Variants in MACROD2 observed in about 807,000 individuals in gnomAD.
MACROD2 encodes the protein mono-ADP ribosylhydrolase 2.
In MACROD2, 36 loss-of-function variants were observed where a neutral mutation model predicts 70.4. The observed-to-expected ratio is 0.51, with a 90% CI of 0.39 to 0.68. The LOEUF (loss-of-function observed/expected upper bound fraction) is 0.68. Ranked by LOEUF, MACROD2 falls within the 30% of genes least tolerant of loss-of-function variation. The pLI is 0.00. For synonymous variants in MACROD2, 172 were observed against 178.8 expected, an observed-to-expected ratio of 0.96 and a Z score of 0.30; for missense variants, 496 against 538.4, an observed-to-expected ratio of 0.92 and a Z score of 0.78.
chr20:14,233,447 C>T (rs187469106), intron 3 of MACROD2, among the ~76,000 whole-genome samples: 12 of 152,004 alleles, frequency 7.9e-5, no homozygotes, highest in East Asian at 5.8e-4. Context: ...AATCCCAGCA[C>T]TTTGGGAGGC....
At chr20:16,003,488 G>A (rs1349895112) in intron 15 of MACROD2, among the ~76,000 whole-genome samples, 1 of 152,164 alleles carries the variant, frequency 6.6e-6, no homozygotes, top group African/African-American at 2.4e-5. Context: ...CTGGCAACAG[G>A]CTGCGTAACA....
intron 6 of MACROD2, among the ~76,000 whole-genome samples, chr20:15,299,764 TAGCAGGACCC>T (rs1299500550): frequency 6.6e-6 from 1 of 152,178 alleles, no homozygotes; most frequent in Non-Finnish European, 1.5e-5. Flanking sequence ...AAAGCAAAAG[TAGCAGGACCC>T]AGTTTGAGAT....
At chr20:14,164,133 G>T (rs1317225339) in intron 3 of MACROD2, among the ~76,000 whole-genome samples, 2 of 151,958 alleles carry the variant, frequency 1.3e-5, no homozygotes, top group Non-Finnish European at 2.9e-5. Flanking sequence ...ATGTATCATG[G>T]TATTGGTTGG....
intron 6 of MACROD2, among the ~76,000 whole-genome samples, chr20:15,422,220 A>G (rs1389111434): frequency 6.6e-6 from 1 of 152,154 alleles, no homozygotes; most frequent in East Asian, 1.9e-4. Flanking sequence ...AGAGGACATG[A>G]CACTATTTAG....
At chr20:14,751,329 C>A (rs1302069342) in intron 5 of MACROD2, among the ~76,000 whole-genome samples, 2 of 148,526 alleles carry the variant, frequency 1.3e-5, no homozygotes, top group Non-Finnish European at 3.0e-5. Flanking sequence ...TTTTTTTGAT[C>A]TTTCTAACTG....
intron 6 of MACROD2, among the ~76,000 whole-genome samples, chr20:15,420,417 A>G (rs990147611): frequency 1.1e-4 from 17 of 152,226 alleles, no homozygotes; most frequent in Non-Finnish European, 2.4e-4. Flanking sequence ...GAGTTCGCAC[A>G]CCACACTCCA....
At chr20:14,351,257 A>G (rs1307988485) in intron 3 of MACROD2, among the ~76,000 whole-genome samples, 1 of 151,812 alleles carries the variant, frequency 6.6e-6, no homozygotes, top group Non-Finnish European at 1.5e-5. Flanking sequence ...GTTGTTCCAC[A>G]TAATTTTTTT....
chr20:14,173,358 CCT>C (rs1305730107), intron 3 of MACROD2, among the ~76,000 whole-genome samples: 1 of 151,942 alleles, frequency 6.6e-6, no homozygotes, highest in African/African-American at 2.4e-5. Flanking sequence ...ATTCGAAAGC[CCT>C]CTCTTTGATC....
intron 5 of MACROD2, among the ~76,000 whole-genome samples, chr20:14,836,444 A>G (rs1334397155): frequency 6.6e-6 from 1 of 152,094 alleles, no homozygotes; most frequent in Non-Finnish European, 1.5e-5. Flanking sequence ...TGCTGGTTGT[A>G]CTTCAAAAGA....
At chr20:14,212,601 G>C (rs117033673) in intron 3 of MACROD2, among the ~76,000 whole-genome samples, 252 of 152,106 alleles carry the variant, frequency 1.7e-3, no homozygotes, top group Admixed American at 4.6e-3. Flanking sequence ...GTTGGGTGGT[G>C]GAAAGAATGT....
Position 16,047,667 on chromosome 20 carries a change from G to T in MACROD2, c.1301-2163G>T, listed in dbSNP as rs188293656. On this transcript the variant is annotated intron_variant, in intron 17 of 17. Transcript: ENST00000684519. ...ATGAGAATCCCTTTCAGATGTTCTG[G>T]CCCCAGCAGGTACCACCCTCAAGCA... Among the ~76,000 whole-genome samples, 123 of 45,388 alleles carry T rather than the reference G, an allele frequency of 2.7e-3. 2 individuals are homozygous for T. The highest frequency in any genetic ancestry group is 9.6e-3 in the South Asian group (10 of 1,046). 29.8% of individuals were successfully genotyped at this position (45,388 alleles called of 152,430 possible). A position where few individuals can be genotyped will look rare whatever the true frequency, so the allele number is the denominator to read the frequency against.
chr20:14,977,073 CAG>C (rs1244386041), intron 5 of MACROD2, among the ~76,000 whole-genome samples: 1 of 152,072 alleles, frequency 6.6e-6, no homozygotes, highest in Non-Finnish European at 1.5e-5. Flanking sequence ...AATGCAAAAA[CAG>C]GGTTTGTGTC....
At chr20:14,001,792 C>T (rs1464259023) in intron 1 of MACROD2, among the ~76,000 whole-genome samples, 4 of 152,038 alleles carry the variant, frequency 2.6e-5, no homozygotes, top group Non-Finnish European at 2.9e-5. Flanking sequence ...AACAGTAGCA[C>T]GAGAGGGTTG....
intron 5 of MACROD2, among the ~76,000 whole-genome samples, chr20:15,162,061 A>AT (rs1254226577): frequency 1.3e-5 from 2 of 151,994 alleles, no homozygotes; most frequent in Admixed American, 6.6e-5. Context: ...TAAAATACAG[A>AT]TTACTATTCT....
chr20:14,935,446 A>G (rs1422834096), intron 5 of MACROD2: 1 of 152,126 alleles, frequency 6.6e-6, no homozygotes, highest in African/African-American at 2.4e-5. Context: ...AGGAATGCCT[A>G]TGTGTTTGTT....
intron 6 of MACROD2, among the ~76,000 whole-genome samples, chr20:15,312,722 A>G (rs1196621282): frequency 6.6e-6 from 1 of 152,164 alleles, no homozygotes; most frequent in East Asian, 1.9e-4. Context: ...TATCAGGAAG[A>G]TAGTTATTTG....
At chr20:14,860,096 G>T (rs1052972362) in intron 5 of MACROD2, among the ~76,000 whole-genome samples, 13 of 152,022 alleles carry the variant, frequency 8.6e-5, no homozygotes, top group Admixed American at 2.0e-4. Flanking sequence ...GTTATATAAG[G>T]TTCCTGAATA....
intron 5 of MACROD2, among the ~76,000 whole-genome samples, chr20:15,045,730 T>TG (rs1434623307): frequency 1.4e-5 from 2 of 145,286 alleles, no homozygotes; most frequent in Non-Finnish European, 3.0e-5. Context: ...TTTTTTTTTT[T>TG]TTTTTTTTTT....
In MACROD2 at chr20:15,772,810, A is replaced by T. The variant is rs545908954; in HGVS notation, c.646-89935A>T. On this transcript the variant is annotated intron_variant, in intron 8 of 17. Coordinates refer to ENST00000684519, the MANE Select transcript of MACROD2 (RefSeq NM_001351661.2). ...CTCAAGAACTTACTCATATAATCAA[A>T]TACTACCTGTTTCCCAAAAATCTAT... Among the ~76,000 whole-genome samples the T allele has an allele frequency of 1.2e-3, 181 of 152,230 alleles. 1 individual carries two copies. The highest frequency in any genetic ancestry group is 3.9e-3 in the African/African-American group (161 of 41,562).
Sources: gnomAD v4.1 joint callset for allele counts (sites outside exome capture counted in the v4.1 genomes callset) on GRCh38, gnomAD v4.1.1 for gene constraint, MANE v1.5 for transcripts, NCBI Gene and HGNC (gene_info 2026-07-23, HGNC 2026-07-21) for gene names.